Variants in GTF2IRD1 observed in about 807,000 individuals in gnomAD.
The protein encoded by GTF2IRD1 is general transcription factor II-I repeat domain-containing protein 1.
GTF2IRD1 carries 26 observed loss-of-function variants against 113.2 expected under a neutral mutation model. The ratio of observed to expected loss-of-function variants is 0.23; its 90% CI spans 0.17 to 0.32. The LOEUF is 0.32. GTF2IRD1 is among the 10% of genes least tolerant of loss of function. The pLI is 1.00. For synonymous variants in GTF2IRD1, 484 were observed against 529.1 expected (o/e 0.91, Z 1.17); for missense variants, 864 against 1,280.8 (o/e 0.67, Z 4.97).
intron 22 of GTF2IRD1, among the ~76,000 whole-genome samples, chr7:74,582,751 C>T (rs1204177062): frequency 6.6e-6 from 1 of 152,122 alleles, no homozygotes; most frequent in Non-Finnish European, 1.5e-5. Flanking sequence ...CCCCCTTTTC[C>T]CCACTGTATG....
At chr7:74,564,629 G>A (rs1450286233) in intron 22 of GTF2IRD1, among the ~76,000 whole-genome samples, 1 of 152,150 alleles carries the variant, frequency 6.6e-6, no homozygotes, top group Non-Finnish European at 1.5e-5. Flanking sequence ...GGGGACGAAC[G>A]ACTGTATTCC....
intron 1 of GTF2IRD1, among the ~76,000 whole-genome samples, chr7:74,472,614 T>C (rs1195141524): frequency 2.6e-5 from 4 of 152,034 alleles, no homozygotes; most frequent in Non-Finnish European, 5.9e-5. Flanking sequence ...TAGCCAGGCA[T>C]GGCGGGGGGT....
At chr7:74,482,723 G>T (rs1794812637) in intron 1 of GTF2IRD1, among the ~76,000 whole-genome samples, 1 of 152,104 alleles carries the variant, frequency 6.6e-6, no homozygotes, top group Non-Finnish European at 1.5e-5. Context: ...CCTGGCTTCA[G>T]AATGTGGCCT....
At chr7:74,554,648 C>T (rs1454865055) in intron 17 of GTF2IRD1, among the ~76,000 whole-genome samples, 3 of 152,172 alleles carry the variant, frequency 2.0e-5, no homozygotes, top group Non-Finnish European at 4.4e-5. Flanking sequence ...AAGCCATTCC[C>T]CTCCCTCAGC....
intron 2 of GTF2IRD1, among the ~76,000 whole-genome samples, chr7:74,509,916 C>T (rs1449967710): frequency 6.6e-6 from 1 of 152,142 alleles, no homozygotes; most frequent in Non-Finnish European, 1.5e-5. Context: ...ACCTCGTGAT[C>T]CGCCCACCTC....
At chr7:74,495,131 G>T (rs1486607562) in intron 1 of GTF2IRD1, among the ~76,000 whole-genome samples, 2 of 152,256 alleles carry the variant, frequency 1.3e-5, no homozygotes, top group Non-Finnish European at 2.9e-5. Context: ...CAGAATGGGG[G>T]TTTATCTGCC....
rs1167468655 is a variant in GTF2IRD1, at chr7:74,562,555, CTTTTTTTTTTT to C, written c.2320+2919_2320+2929del. Among the ~76,000 whole-genome samples the C allele has an allele frequency of 2.1e-3, 129 of 62,704 alleles. 1 individual carries two copies. Among genetic ancestry groups the C allele is most frequent in the South Asian group, 2.8e-3 (4 of 1,430 alleles). 41.1% of individuals were successfully genotyped at this position (62,704 alleles called of 152,430 possible). Reference sequence around the variant, plus strand: ...AGGACTATTTTCCGCCAATTGCCCTCTTTTTTTTTTTTTTTTTTTTTTTTTTTTTGAGATGG... The same window carrying C: ...AGGACTATTTTCCGCCAATTGCCCTCTTTTTTTTTTTTTTTTTTGAGATGG... On this transcript the variant is annotated intron_variant, in intron 22 of 26. Transcript: ENST00000424337.
At chr7:74,507,780 G>A (rs1459493741) in intron 1 of GTF2IRD1, 6 of 329,816 alleles carry the variant, frequency 1.8e-5, no homozygotes, top group South Asian at 4.1e-5. Flanking sequence ...TGCACACGCC[G>A]GGAGAGGTGG....
At chr7:74,600,698 G>A (rs587677312) in intron 25 of GTF2IRD1, among the ~76,000 whole-genome samples, 3 of 152,204 alleles carry the variant, frequency 2.0e-5, no homozygotes, top group Non-Finnish European at 2.9e-5. Context: ...GTGACAGAGC[G>A]AGACTCCATC....
intron 1 of GTF2IRD1, among the ~76,000 whole-genome samples, chr7:74,487,744 G>C (rs1319286133): frequency 6.6e-6 from 1 of 152,150 alleles, no homozygotes; most frequent in African/African-American, 2.4e-5. Flanking sequence ...CTGTAGTTTT[G>C]AATTTGATAC....
chr7:74,557,537 C>T (rs10256405), intron 19 of GTF2IRD1, 102 bp from the exon 20 acceptor site: 12,078 of 725,072 alleles, frequency 0.017, 785 homozygotes, highest in African/African-American at 0.16. Flanking sequence ...CTTTAATTGC[C>T]GGAGAAGGAG....
chr7:74,596,483 GA>G (rs1460721400), intron 25 of GTF2IRD1, among the ~76,000 whole-genome samples: 215 of 140,030 alleles, frequency 1.5e-3, no homozygotes, highest in African/African-American at 5.2e-3. Context: ...AAAAGAAAAA[GA>G]AAAAAAAAAT....
Position 74,512,691 on chromosome 7 carries a change from A to G in GTF2IRD1, c.124-139A>G. The stretch of plus-strand genomic sequence containing the variant: ...CACTACAGAATCTGAGACCAAGAAC[A>G]GTAGAGGGGCCGTCTGTCCCTGGAG... On this transcript the variant is annotated intron_variant, in intron 2 of 26. Coordinates refer to ENST00000424337, the MANE Select transcript of GTF2IRD1 (RefSeq NM_005685.4). This position sits in a 1 kb window ranked among gnomAD's most constrained non-coding sequence, Gnocchi z 4.4. 1 of 705,748 alleles carries G rather than the reference A, an allele frequency of 1.4e-6. No homozygotes were observed. The highest frequency in any genetic ancestry group is 2.3e-6 in the Non-Finnish European group (1 of 428,118). 43.7% of individuals were successfully genotyped at this position (705,748 alleles called of 1,614,324 possible). A position where few individuals can be genotyped will look rare whatever the true frequency, so the allele number is the denominator to read the frequency against.
chr7:74,554,100 G>A (rs781890407), intron 17 of GTF2IRD1, among the ~76,000 whole-genome samples: 37 of 152,120 alleles, frequency 2.4e-4, no homozygotes, highest in Non-Finnish European at 4.6e-4. Flanking sequence ...GAGACTCCTC[G>A]GAGTTGCTGC....
intron 14 of GTF2IRD1, 136 bp downstream of exon 14, chr7:74,540,104 A>T: frequency 1.7e-6 from 1 of 600,000 alleles, no homozygotes; most frequent in Non-Finnish European, 3.0e-6. Context: ...TATATGCCTG[A>T]CCCTAATCCA....
intron 20 of GTF2IRD1, among the ~76,000 whole-genome samples, chr7:74,558,362 T>C (rs1260277124): frequency 8.3e-6 from 1 of 120,386 alleles, no homozygotes; most frequent in African/African-American, 3.2e-5. Context: ...TTTTTTTTTT[T>C]TTTTTTTTTT....
At chr7:74,600,253 T>C (rs1461711602) in intron 25 of GTF2IRD1, among the ~76,000 whole-genome samples, 3 of 151,778 alleles carry the variant, frequency 2.0e-5, no homozygotes, top group African/African-American at 7.3e-5. Flanking sequence ...AACATAATGA[T>C]GCAGAAATAC....
intron 20 of GTF2IRD1, among the ~76,000 whole-genome samples, chr7:74,558,343 G>GTTTTTT (rs1562868915): frequency 2.7e-5 from 2 of 74,012 alleles, no homozygotes; most frequent in Non-Finnish European, 5.7e-5. Flanking sequence ...TTTTTCTTTC[G>GTTTTTT]TTTCTTTTTT....
At chr7:74,513,690 G>T (rs1310510945) in intron 3 of GTF2IRD1, among the ~76,000 whole-genome samples, 1 of 152,152 alleles carries the variant, frequency 6.6e-6, no homozygotes, top group East Asian at 1.9e-4. Context: ...AACCTGAGGG[G>T]GCAGGCACTG....
Sources: gnomAD v4.1 joint callset for allele counts (sites outside exome capture counted in the v4.1 genomes callset) on GRCh38, gnomAD v4.1.1 for gene constraint, Gnocchi (gnomAD v3.1) non-coding constraint, MANE v1.5 for transcripts, NCBI Gene and HGNC (gene_info 2026-07-23, HGNC 2026-07-21) for gene names.